LBP: variants seen among roughly 807,000 people sequenced by gnomAD.
LBP encodes lipopolysaccharide binding protein, also known as lipopolysaccharide-binding protein.
LBP carries 53 observed loss-of-function variants against 56.6 expected under a neutral mutation model. The ratio of observed to expected loss-of-function variants is 0.94; its 90% CI spans 0.75 to 1.18. LBP has a LOEUF of 1.18. Ranked by LOEUF, LBP falls within the 50% of genes most tolerant of loss-of-function variation. The pLI is 0.00. For synonymous variants in LBP, 227 were observed against 247.5 expected, an observed-to-expected ratio of 0.92 and a Z score of 0.78; for missense variants, 601 against 598.3, an observed-to-expected ratio of 1.00 and a Z score of -0.05.
intron 3 of LBP, among the ~76,000 whole-genome samples, chr20:38,353,049 A>T (rs1411358924): frequency 6.6e-6 from 1 of 152,122 alleles, no homozygotes; most frequent in Admixed American, 6.5e-5. Flanking sequence ...CATGAAAGGA[A>T]CTGGCCACAC....
chr20:38,368,047 AAAAGAAAG>A (rs559104819), intron 9 of LBP, among the ~76,000 whole-genome samples: 1 of 151,990 alleles, frequency 6.6e-6, no homozygotes, highest in East Asian at 1.9e-4. Flanking sequence ...GAAAAGTTAA[AAAAGAAAG>A]AAAGAAAGAA....
At chr20:38,353,920 A>T (rs2076829430) in intron 3 of LBP, among the ~76,000 whole-genome samples, 1 of 152,024 alleles carries the variant, frequency 6.6e-6, no homozygotes, top group African/African-American at 2.4e-5. Context: ...TATATTAGGG[A>T]AATAAGCCCA....
In LBP at chr20:38,371,250, C is replaced by T. The variant is rs377480894; in HGVS notation, c.1218-30C>T. 72 of 1,601,940 alleles carry T rather than the reference C, an allele frequency of 4.5e-5. No homozygotes were observed. In the African/African-American group the frequency reaches 7.9e-4, roughly 18 times the overall value. On this transcript the variant is annotated intron_variant, in intron 11 of 14. Transcript: ENST00000217407. Reference sequence around the variant, plus strand: ...ATTGCTTAAACTTGCATAAAGCCCACACCTTTTAATCTTCTCTGATTCATT... The same window carrying T: ...ATTGCTTAAACTTGCATAAAGCCCATACCTTTTAATCTTCTCTGATTCATT...
In LBP at chr20:38,354,264, G is replaced by C. The variant is rs751755377; in HGVS notation, c.369-20G>C. On this transcript the variant is annotated intron_variant, in intron 3 of 14. Transcript: ENST00000217407. ...ACCCCTGGTCTAGGAACTAACCATG[G>C]CTTCTCTTACCTCCTCCAGCAAACT... 1.0e-5 allele frequency: 16 copies of C among 1,604,560 alleles called. No homozygotes were observed. In the South Asian group the frequency reaches 1.8e-4, roughly 18 times the overall value.
Position 38,376,975 on chromosome 20 carries a change from C to A in LBP, c.*306C>A. 7.3e-6 allele frequency: 4 copies of A among 545,114 alleles called. No individual in the cohort carries two copies. The highest frequency in any genetic ancestry group is 1.1e-5 in the Non-Finnish European group (3 of 284,720). The allele number at this position is 545,114 out of a possible 1,614,324, so 33.8% of individuals were successfully genotyped here. ...ATCCCCATGCCTAGCAGAGTGCTGG[C>A]ACTTAGTAGGTCCTCAATAAATATT... On this transcript the variant is annotated 3_prime_UTR_variant, in exon 15 of 15. Transcript: ENST00000217407.
chr20:38,376,050 G>A lies in LBP; in HGVS notation c.1402-575G>A, dbSNP rs189167558. Among the ~76,000 whole-genome samples, 9 of 152,268 alleles carry A rather than the reference G, an allele frequency of 5.9e-5. No individual in the cohort carries two copies. The East Asian group carries it at 1.3e-3, about 23-fold the overall frequency. ...GCCTCAGTTTTCTCCTCTGTAAAAC[G>A]GGACATAACCGAAATGTCAGTGGGC... is the stretch of plus-strand genomic sequence containing the variant. On this transcript the variant is annotated intron_variant, in intron 14 of 14. Coordinates refer to ENST00000217407, the MANE Select transcript of LBP (RefSeq NM_004139.5).
intron 9 of LBP, among the ~76,000 whole-genome samples, chr20:38,368,044 TAAAAA>T (rs2076888593): frequency 6.7e-6 from 1 of 149,032 alleles, no homozygotes; most frequent in African/African-American, 2.6e-5. Context: ...AAAGAAAAGT[TAAAAA>T]AGAAAGAAAG....
intron 1 of LBP, among the ~76,000 whole-genome samples, chr20:38,348,816 CAG>C (rs1366360029): frequency 2.2e-5 from 2 of 90,046 alleles, no homozygotes; most frequent in Non-Finnish European, 2.6e-5. Flanking sequence ...TTGTTTGAGA[CAG>C]AGTCTCACTC....
chr20:38,373,134 T>A lies in LBP; in HGVS notation c.1323T>A (p.Asn441Lys), dbSNP rs751217457. Reference sequence around the variant, plus strand: ...TTAACACCTTCTACCCCAAGTTCAATGGTAAGAATCACTGTGGATTTTTCC... The same window carrying A: ...TTAACACCTTCTACCCCAAGTTCAAAGGTAAGAATCACTGTGGATTTTTCC... ...YILNTFYPKFNDKLAEGFPLP... is the reference protein window; with the variant it reads ...YILNTFYPKFKDKLAEGFPLP... The change falls in exon 13 of 15, where the codon AAT becomes AAA. Residue 441 changes from asparagine to lysine, a missense_variant and splice_region_variant. Asn to Lys is a moderately conservative substitution (Grantham distance 94, BLOSUM62 0). Coordinates refer to ENST00000217407, the MANE Select transcript of LBP (RefSeq NM_004139.5). 6.8e-6 allele frequency: 11 copies of A among 1,612,652 alleles called. No homozygotes were observed. Among genetic ancestry groups the A allele is most frequent in the African/African-American group, 1.3e-5 (1 of 74,878 alleles).
At position 38,356,418 on chromosome 20, in the gene LBP, GCGCA is replaced by G. The variant is rs1346902457; in HGVS notation, c.588+1011_588+1014del. ...CTCACACCCCCCACACCACACACAC[GCGCA>G]CACACACACACACACACACACACAC... On this transcript the variant is annotated intron_variant, in intron 5 of 14. Transcript: ENST00000217407. Among the ~76,000 whole-genome samples the G allele has an allele frequency of 4.8e-3, 234 of 48,976 alleles. 2 individuals are homozygous for G. Among genetic ancestry groups the G allele is most frequent in the African/African-American group, 0.025 (201 of 8,030 alleles). 32.1% of individuals were successfully genotyped at this position (48,976 alleles called of 152,430 possible). A position where few individuals can be genotyped will look rare whatever the true frequency, so the allele number is the denominator to read the frequency against.
chr20:38,356,688 A>G (rs901116370), intron 5 of LBP, among the ~76,000 whole-genome samples: 1 of 152,196 alleles, frequency 6.6e-6, no homozygotes, highest in Non-Finnish European at 1.5e-5. Context: ...TATCACAGTA[A>G]TCACATACCA....
intron 6 of LBP, among the ~76,000 whole-genome samples, chr20:38,361,119 G>A (rs976332920): frequency 1.2e-4 from 18 of 148,560 alleles, no homozygotes; most frequent in Non-Finnish European, 2.2e-4. Flanking sequence ...CCAAGATCAC[G>A]CCATTGCACC....
intron 1 of LBP, 98 bp from the exon 2 acceptor site, chr20:38,349,450 G>A: frequency 1.2e-6 from 1 of 800,648 alleles, no homozygotes; most frequent in Non-Finnish European, 2.1e-6. Context: ...TAAGGATGTT[G>A]GCCCCTCTCT....
chr20:38,376,795 T>C lies in LBP; in HGVS notation c.*126T>C, dbSNP rs2083961926. On this transcript the variant is annotated 3_prime_UTR_variant, in exon 15 of 15. Transcript: ENST00000217407. ...TGCTCTCAGCTCCGGGGGTGAGGTG[T>C]GCCTGGCCTCTGCCTCCACCCTCCT... 2.1e-6 allele frequency: 2 copies of C among 959,374 alleles called. No homozygotes were observed. Among genetic ancestry groups the C allele is most frequent in the Admixed American group, 1.7e-5 (1 of 57,688 alleles). 59.4% of individuals were successfully genotyped at this position (959,374 alleles called of 1,614,324 possible).
intron 6 of LBP, 114 bp from the exon 7 acceptor site, chr20:38,363,861 T>C (rs1259888681): frequency 1.3e-6 from 1 of 740,870 alleles, no homozygotes; most frequent in African/African-American, 1.7e-5. Flanking sequence ...GCCGGGCTAG[T>C]AGGGGGATTC....
chr20:38,364,908 T>C (rs148089977), intron 8 of LBP, among the ~76,000 whole-genome samples, 156 bp downstream of exon 8: 14 of 152,348 alleles, frequency 9.2e-5, no homozygotes, highest in African/African-American at 3.4e-4. Flanking sequence ...TCTCCCTTTT[T>C]ACTTTGGCAA....
intron 6 of LBP, 85 bp from the exon 7 acceptor site, chr20:38,363,890 A>C: frequency 1.1e-6 from 1 of 938,844 alleles, no homozygotes; most frequent in Non-Finnish European, 1.7e-6. Context: ...GTCACAGGGA[A>C]TGTGAGTCAG....
intron 12 of LBP, 25 bp downstream of exon 12, chr20:38,371,347 G>A (rs763018087): frequency 6.5e-7 from 1 of 1,533,492 alleles, no homozygotes; most frequent in Non-Finnish European, 9.0e-7. Context: ...TTGATGACAT[G>A]ATTAGAATGT....
intron 8 of LBP, among the ~76,000 whole-genome samples, chr20:38,365,508 T>C (rs6025191): frequency 0.1 from 15,809 of 151,244 alleles, 1,364 homozygotes; most frequent in African/African-American, 0.23. Flanking sequence ...ACCAGCCTGG[T>C]CAACATGGCA....
Sources: allele counts gnomAD v4.1 joint callset (sites outside exome capture counted in the v4.1 genomes callset), GRCh38; gene constraint gnomAD v4.1.1; transcripts MANE v1.5; gene names NCBI Gene and HGNC (gene_info 2026-07-23, HGNC 2026-07-21).